Variants in ZNF398 observed in about 807,000 individuals in gnomAD.
ZNF398 encodes zinc finger protein 398.
In ZNF398, 18 loss-of-function variants were observed where a neutral mutation model predicts 41.9. That is an observed-to-expected ratio of 0.43 (90% confidence interval 0.30 to 0.64). The LOEUF is 0.64. Among genes scored for constraint, ZNF398 ranks in the 30% least tolerant of loss-of-function variants. The probability of loss-of-function intolerance (pLI) is 0.14; values close to 1 mark genes in which losing one functional copy is unlikely to be tolerated. For synonymous variants in ZNF398, 260 were observed against 308.8 expected (o/e 0.84, Z 1.66); for missense variants, 669 against 822.8 (o/e 0.81, Z 2.29).
Position 149,154,065 on chromosome 7 carries a change from G to A in ZNF398, c.145G>A (p.Ala49Thr), listed in dbSNP as rs754018141. The change falls in exon 2 of 6, where the codon GCC (alanine) becomes ACC (threonine). Residue 49 changes from alanine to threonine, a missense_variant. By Grantham distance (58) the Ala-to-Thr change is moderately conservative. Coordinates refer to ENST00000475153, the MANE Select transcript of ZNF398 (RefSeq NM_170686.3). ...AAISLWTVVA[A>T]VQAIERKVEI... Reference sequence around the variant, plus strand: ...TATCTCTCTGTGGACAGTGGTGGCCGCCGTGCAGGCTATAGAGAGGAAGGT... The same window carrying A: ...TATCTCTCTGTGGACAGTGGTGGCCACCGTGCAGGCTATAGAGAGGAAGGT... 5 of 1,614,140 alleles carry A rather than the reference G, an allele frequency of 3.1e-6. No homozygotes were observed. Among genetic ancestry groups the A allele is most frequent in the Non-Finnish European group, 4.2e-6 (5 of 1,180,032 alleles).
rs376870123 is a variant in ZNF398 at position 149,159,233 on chromosome 7, C to T, written c.420+4893C>T. ...CTGGGATTACAGGTGTGAGCCACCG[C>T]GCCTGGCCATCTCTTAAATATTTCT... On this transcript the variant is annotated intron_variant, in intron 2 of 5. Transcript: ENST00000475153. 5.7e-4 allele frequency among the ~76,000 whole-genome samples: 87 copies of T among 152,078 alleles called. 1 individual carries two copies. The highest frequency in any genetic ancestry group is 3.9e-4 in the East Asian group (2 of 5,158).
chr7:149,133,693 G>GTATATATATATACACACATA (rs1826650955), intron 2 of ZNF398, among the ~76,000 whole-genome samples: 4 of 42,164 alleles, frequency 9.5e-5, no homozygotes, highest in Non-Finnish European at 2.0e-4. Flanking sequence ...ATATATGTGT[G>GTATATATATATACACACATA]TATATATATA....
At chr7:149,155,712 T>TTTA (rs1794956149) in intron 2 of ZNF398, among the ~76,000 whole-genome samples, 1 of 20,776 alleles carries the variant, frequency 4.8e-5, no homozygotes, top group African/African-American at 1.1e-4. Flanking sequence ...TATATATTTT[T>TTTA]TTTTTTTTTT....
At chr7:149,129,356 T>G (rs1826552830) in intron 2 of ZNF398, among the ~76,000 whole-genome samples, 1 of 152,092 alleles carries the variant, frequency 6.6e-6, no homozygotes, top group Non-Finnish European at 1.5e-5. Flanking sequence ...TCATTGTGTG[T>G]GAAAACAGTT....
At chr7:149,159,647 C>CA (rs1293350514) in intron 2 of ZNF398, among the ~76,000 whole-genome samples, 21 of 148,896 alleles carry the variant, frequency 1.4e-4, no homozygotes, top group Non-Finnish European at 2.4e-4. Context: ...GACTCCGTCT[C>CA]AAAAAAAATG....
At chr7:149,153,326 A>G (rs1359370936) in intron 1 of ZNF398, among the ~76,000 whole-genome samples, 2 of 152,122 alleles carry the variant, frequency 1.3e-5, no homozygotes, top group Admixed American at 6.6e-5. Context: ...AAAAAAATGT[A>G]TTTATTGTAG....
Position 149,178,343 on chromosome 7 carries a change from C to G in ZNF398, c.776-305C>G, listed in dbSNP as rs745612306. Among the ~76,000 whole-genome samples, 63 of 152,154 alleles carry G rather than the reference C, an allele frequency of 4.1e-4. 1 individual carries two copies. Among genetic ancestry groups the G allele is most frequent in the Middle Eastern group, 3.2e-3 (1 of 316 alleles). ...TAGTGCATGCCTGTAATCCCAGCTA[C>G]TCAGGAGGCTAAGGCAGGAGAATCA... On this transcript the variant is annotated intron_variant, in intron 5 of 5. Coordinates refer to ENST00000475153, the MANE Select transcript of ZNF398 (RefSeq NM_170686.3).
intron 2 of ZNF398, among the ~76,000 whole-genome samples, chr7:149,163,523 C>T (rs1265952498): frequency 1.3e-5 from 2 of 152,106 alleles, no homozygotes; most frequent in Admixed American, 6.6e-5. Context: ...CAGGCCTGTG[C>T]CACCACGCCC....
At position 149,179,779 on chromosome 7, in the gene ZNF398, G is replaced by A. The variant is rs768701353; in HGVS notation, c.1907G>A (p.Gly636Glu). Residue 636 changes from glycine (G) to glutamate (E), a missense_variant, in exon 6 of 6, where the codon GGG becomes GAG. Coordinates refer to ENST00000475153, the MANE Select transcript of ZNF398 (RefSeq NM_170686.3). This position sits in a 1 kb window ranked among gnomAD's most constrained non-coding sequence, Gnocchi z 6.1. ...GLETNQWYGE[G>E]SGGGVL Reference sequence around the variant, plus strand: ...GAGACCAACCAGTGGTATGGGGAAGGGAGTGGAGGGGGAGTTTTGTAAATC... The same window carrying A: ...GAGACCAACCAGTGGTATGGGGAAGAGAGTGGAGGGGGAGTTTTGTAAATC... The A allele has an allele frequency of 3.2e-6, 5 of 1,585,362 alleles. No individual in the cohort carries two copies. The highest frequency in any genetic ancestry group is 4.3e-6 in the Non-Finnish European group (5 of 1,163,096).
Position 149,151,791 on chromosome 7 carries a change from C to CT in ZNF398, c.25-2141dup, listed in dbSNP as rs753689637. On this transcript the variant is annotated intron_variant, in intron 1 of 5. Coordinates refer to ENST00000475153, the MANE Select transcript of ZNF398 (RefSeq NM_170686.3). The stretch of plus-strand genomic sequence containing the variant: ...AACAAAAATTTCTTTCTTTTTTTTT[C>CT]TTTTTTTTTTTTTGAGACTGAATCT... Among the ~76,000 whole-genome samples, 149 of 139,196 alleles carry CT rather than the reference C, an allele frequency of 1.1e-3. 1 individual carries two copies. The highest frequency in any genetic ancestry group is 6.1e-3 in the South Asian group (27 of 4,438). The allele number at this position is 139,196 out of a possible 152,430, so 91.3% of individuals were successfully genotyped here. A position where few individuals can be genotyped will look rare whatever the true frequency, so the allele number is the denominator to read the frequency against.
At position 149,179,613 on chromosome 7, in the gene ZNF398, A is replaced by G. The variant is rs779612417; in HGVS notation, c.1741A>G (p.Thr581Ala). The change falls in exon 6 of 6, where the codon ACA (threonine) becomes GCA (alanine). Residue 581 changes from threonine (T) to alanine (A), a missense_variant. This residue lies in a region of ZNF398 where 210 missense variants were observed against 290.4 expected (regional missense o/e 0.72). Transcript: ENST00000475153. The surrounding 1 kb of genome is among the most constrained non-coding windows in gnomAD (Gnocchi z 6.1). The stretch of plus-strand genomic sequence containing the variant: ...TGGCAGGAGCTTCCGCTACAAACAG[A>G]CACTCAAGGACCACCTCCGTTCAGG... The part of the protein sequence containing the change: ...YCGRSFRYKQ[T>A]LKDHLRSGHN... The G allele has an allele frequency of 6.2e-7, 1 of 1,614,138 alleles. No homozygotes were observed. The highest frequency in any genetic ancestry group is 1.1e-5 in the South Asian group (1 of 91,080).
At chr7:149,177,976 A>G (rs1209356156) in intron 5 of ZNF398, among the ~76,000 whole-genome samples, 1 of 151,784 alleles carries the variant, frequency 6.6e-6, no homozygotes, top group Non-Finnish European at 1.5e-5. Context: ...GCAAAACCCC[A>G]TCTCTACTAA....
chr7:149,145,423 A>T (rs539225292), upstream of ZNF398, among the ~76,000 whole-genome samples: 142 of 152,264 alleles, frequency 9.3e-4, no homozygotes, highest in African/African-American at 3.3e-3. Context: ...CTAGATACTG[A>T]CATTTGCATC....
At chr7:149,148,968 A>C (rs1347873334) in intron 1 of ZNF398, among the ~76,000 whole-genome samples, 1 of 147,526 alleles carries the variant, frequency 6.8e-6, no homozygotes, top group Non-Finnish European at 1.5e-5. Context: ...GGAAGCCAAA[A>C]GATTGGACAC....
intron 2 of ZNF398, among the ~76,000 whole-genome samples, chr7:149,156,500 A>G (rs2129520547): frequency 7.6e-6 from 1 of 131,784 alleles, no homozygotes; most frequent in Admixed American, 7.9e-5. Flanking sequence ...GCGAGACTCC[A>G]TCTCAAAAAA....
rs1201581209 is a variant in ZNF398 at position 149,126,464 on chromosome 7, C to G, written c.-803C>G. The G allele has an allele frequency of 9.9e-6, 6 of 605,568 alleles. No individual in the cohort carries two copies. In the East Asian group the frequency reaches 9.9e-5, roughly 10 times the overall value. 37.5% of individuals were successfully genotyped at this position (605,568 alleles called of 1,614,324 possible). On this transcript the variant is annotated 5_prime_UTR_variant, in exon 1 of 7. Coordinates refer to the ZNF398 transcript ENST00000426851. ...GGCACCCTCCGTGCGGGCCGCAGCA[C>G]GCCGGTCTTTGAGGGACCCTTGGAC...
intron 4 of ZNF398, among the ~76,000 whole-genome samples, chr7:149,176,008 G>C (rs138110016): frequency 6.4e-4 from 98 of 152,182 alleles, no homozygotes; most frequent in African/African-American, 2.1e-3. Context: ...TTAAAAGGCT[G>C]GTTCTGTGTT....
At chr7:149,172,594 A>T (rs1239365272) in intron 4 of ZNF398, among the ~76,000 whole-genome samples, 1 of 152,232 alleles carries the variant, frequency 6.6e-6, no homozygotes, top group Admixed American at 6.5e-5. Flanking sequence ...AGGAAGTTAC[A>T]TGCTGAGGTT....
chr7:149,162,320 T>C (rs1288238211), intron 2 of ZNF398, among the ~76,000 whole-genome samples: 1 of 152,162 alleles, frequency 6.6e-6, no homozygotes, highest in African/African-American at 2.4e-5. Flanking sequence ...TAGCTGGGAC[T>C]ACAGGCGCCT....
Sources: gnomAD v4.1 joint callset for allele counts (sites outside exome capture counted in the v4.1 genomes callset) on GRCh38, gnomAD v4.1.1 for gene constraint, gnomAD v4.1.1 regional missense constraint, Gnocchi (gnomAD v3.1) non-coding constraint, MANE v1.5 for transcripts, NCBI Gene and HGNC (gene_info 2026-07-23, HGNC 2026-07-21) for gene names.